KANSL1: variants seen among roughly 807,000 people sequenced by gnomAD.
KANSL1 encodes the protein MLL1/MLL complex subunit KANSL1.
A neutral mutation model predicts 103.6 loss-of-function variants in KANSL1; 22 were observed. That is an observed-to-expected ratio of 0.21 (90% CI 0.15 to 0.30). The LOEUF is 0.30. Among genes scored for constraint, KANSL1 ranks in the 10% least tolerant of loss-of-function variants. The pLI, the probability that KANSL1 is intolerant of heterozygous loss-of-function variation, is 1.00. For synonymous variants in KANSL1, 600 were observed against 527.6 expected (o/e 1.14, Z -1.88); for missense variants, 1,337 against 1,399.8 (o/e 0.96, Z 0.72).
chr17:46,144,300 G>A (rs1021692201), intron 2 of KANSL1, among the ~76,000 whole-genome samples: 4 of 152,276 alleles, frequency 2.6e-5, no homozygotes, highest in Middle Eastern at 3.4e-3. Context: ...TTGAATGAAC[G>A]CTAATTTAAA....
At chr17:46,160,920 GTTAC>G (rs2045701382) in intron 2 of KANSL1, among the ~76,000 whole-genome samples, 2 of 152,166 alleles carry the variant, frequency 1.3e-5, no homozygotes, top group Admixed American at 6.5e-5. Context: ...TTGACATTAA[GTTAC>G]TTAAACTTTC....
intron 2 of KANSL1, among the ~76,000 whole-genome samples, chr17:46,116,649 T>G (rs1272745373): frequency 6.6e-6 from 1 of 152,252 alleles, no homozygotes; most frequent in African/African-American, 2.4e-5. Context: ...ATCAACCTTG[T>G]GACTCTTCTG....
intron 12 of KANSL1, 54 bp from the exon 13 acceptor site, chr17:46,033,246 G>T: frequency 6.8e-7 from 1 of 1,470,370 alleles, no homozygotes; most frequent in Non-Finnish European, 9.4e-7. Context: ...TTAAGAACCA[G>T]TCCCACCCCA....
At chr17:46,033,906 T>C (rs190849827) in intron 11 of KANSL1, among the ~76,000 whole-genome samples, 2 of 152,354 alleles carry the variant, frequency 1.3e-5, no homozygotes, top group East Asian at 3.9e-4. Flanking sequence ...ATACTGTATG[T>C]GTTGACAAAA....
chr17:46,074,708 G>C (rs752368667), intron 4 of KANSL1, among the ~76,000 whole-genome samples: 3 of 151,780 alleles, frequency 2.0e-5, no homozygotes, highest in Admixed American at 6.6e-5. Flanking sequence ...GTGAAGGCTG[G>C]AGTGGTGATT....
At chr17:46,202,891 AAAAAT>A (rs1427027958) in intron 1 of KANSL1, among the ~76,000 whole-genome samples, 3 of 152,254 alleles carry the variant, frequency 2.0e-5, no homozygotes, top group Non-Finnish European at 2.9e-5. Flanking sequence ...CAGCATCAGA[AAAAAT>A]AAAATAAAAT....
chr17:46,044,170 T>C (rs1428804402), intron 7 of KANSL1: 2 of 152,176 alleles, frequency 1.3e-5, no homozygotes, highest in Admixed American at 6.5e-5. Flanking sequence ...TCCATTCAGC[T>C]AGAGGTCTCC....
intron 2 of KANSL1, among the ~76,000 whole-genome samples, chr17:46,096,316 T>TTTTTC (rs2042077293): frequency 2.1e-5 from 2 of 97,202 alleles, no homozygotes; most frequent in African/African-American, 6.1e-5. Context: ...TTTTTCTTTT[T>TTTTTC]TTTTTTTTTT....
intron 6 of KANSL1, among the ~76,000 whole-genome samples, chr17:46,065,086 C>A (rs1425695886): frequency 6.6e-6 from 1 of 151,710 alleles, no homozygotes; most frequent in Non-Finnish European, 1.5e-5. Context: ...AATGATCCTC[C>A]CGCCTCAGCC....
intron 1 of KANSL1, among the ~76,000 whole-genome samples, chr17:46,219,446 T>TC (rs1265898305): frequency 2.0e-5 from 3 of 152,084 alleles, no homozygotes; most frequent in Non-Finnish European, 4.4e-5. Context: ...CACTGCAACC[T>TC]CCACCTCCCA....
intron 1 of KANSL1, among the ~76,000 whole-genome samples, chr17:46,206,104 AAG>A (rs2047962007): frequency 6.6e-6 from 1 of 151,848 alleles, no homozygotes. Flanking sequence ...AAAAAAAAAA[AAG>A]GAAAGATATC....
intron 2 of KANSL1, among the ~76,000 whole-genome samples, chr17:46,160,373 C>T (rs1046548929): frequency 6.6e-6 from 1 of 152,190 alleles, no homozygotes; most frequent in Admixed American, 6.5e-5. Context: ...TCTCGACTCA[C>T]TGCAACCTCT....
chr17:46,181,420 C>A (rs537282733), intron 1 of KANSL1, among the ~76,000 whole-genome samples: 6 of 151,756 alleles, frequency 4.0e-5, no homozygotes, highest in Non-Finnish European at 5.9e-5. Context: ...CTACTCTGAA[C>A]AAGTTCCTCA....
At chr17:46,213,288 TTTGTTG>T (rs138336096) in intron 1 of KANSL1, among the ~76,000 whole-genome samples, 16 of 151,092 alleles carry the variant, frequency 1.1e-4, no homozygotes, top group Admixed American at 2.0e-4. Flanking sequence ...TTATTTGTTT[TTTGTTG>T]TTGTTGTTGT....
intron 2 of KANSL1, among the ~76,000 whole-genome samples, chr17:46,133,952 T>C (rs1444070411): frequency 6.6e-6 from 1 of 152,188 alleles, no homozygotes; most frequent in Admixed American, 6.6e-5. Context: ...AGATATATTT[T>C]AGAGAGTATT....
intron 2 of KANSL1, among the ~76,000 whole-genome samples, chr17:46,167,236 T>C (rs1311147925): frequency 1.3e-5 from 2 of 151,170 alleles, no homozygotes; most frequent in Non-Finnish European, 2.9e-5. Flanking sequence ...TTTAGCAAAA[T>C]GTGGAATGGG....
intron 10 of KANSL1, chr17:46,035,566 A>C (rs1267477440): frequency 4.6e-5 from 7 of 152,154 alleles, no homozygotes; most frequent in Admixed American, 2.0e-4. Flanking sequence ...GGTTAACCAA[A>C]ATGGTTAAAC....
At chr17:46,216,386 G>A (rs1242326511) in intron 1 of KANSL1, among the ~76,000 whole-genome samples, 1 of 152,142 alleles carries the variant, frequency 6.6e-6, no homozygotes, top group East Asian at 1.9e-4. Context: ...GATCACCTGA[G>A]ATCAGGAGTT....
chr17:46,131,717 A>G (rs529526336), intron 2 of KANSL1, among the ~76,000 whole-genome samples: 79 of 152,358 alleles, frequency 5.2e-4, no homozygotes, highest in African/African-American at 1.7e-3. Context: ...AAAACACATA[A>G]TAAGGGCCTA....
Sources: allele counts gnomAD v4.1 joint callset (sites outside exome capture counted in the v4.1 genomes callset), GRCh38; gene constraint gnomAD v4.1.1; transcripts MANE v1.5; gene names NCBI Gene and HGNC (gene_info 2026-07-23, HGNC 2026-07-21).